CNTN4: variants seen among roughly 807,000 people sequenced by gnomAD.
The protein encoded by CNTN4 is contactin-4.
In CNTN4, 77 loss-of-function variants were observed where a neutral mutation model predicts 122.5. That is an observed-to-expected ratio of 0.63 (90% confidence interval 0.52 to 0.76). The LOEUF is 0.76. Among genes scored for constraint, CNTN4 ranks in the 30% least tolerant of loss-of-function variants. The pLI is 0.00. For synonymous variants in CNTN4, 512 were observed against 447.0 expected, an observed-to-expected ratio of 1.15 and a Z score of -1.83; for missense variants, 1,256 against 1,259.1, an observed-to-expected ratio of 1.00 and a Z score of 0.04.
intron 3 of CNTN4, among the ~76,000 whole-genome samples, chr3:2,556,130 T>C (rs2078711369): frequency 6.6e-6 from 1 of 152,232 alleles, no homozygotes; most frequent in African/African-American, 2.4e-5. Flanking sequence ...TTAGACTTTT[T>C]TTAAAAACTT....
At chr3:3,039,892 C>G (rs1009286571) in intron 19 of CNTN4, 145 bp from the exon 20 acceptor site, 5 of 704,892 alleles carry the variant, frequency 7.1e-6, no homozygotes, top group Admixed American at 6.1e-5. Context: ...ACTGCAAGCC[C>G]TAAATTTAAA....
At chr3:2,381,011 C>T (rs1262804711) in intron 3 of CNTN4, among the ~76,000 whole-genome samples, 1 of 151,108 alleles carries the variant, frequency 6.6e-6, no homozygotes, top group Non-Finnish European at 1.5e-5. Flanking sequence ...TTTTTTTCTT[C>T]CTTTTTTTTT....
chr3:2,294,858 T>A (rs2042252126), intron 2 of CNTN4, among the ~76,000 whole-genome samples: 1 of 151,858 alleles, frequency 6.6e-6, no homozygotes, highest in South Asian at 2.1e-4. Flanking sequence ...CCCCGGTGTG[T>A]GATGTTCCCC....
rs577821696 is a variant in CNTN4 at position 2,513,187 on chromosome 3, C to T, written c.-88-58229C>T. On this transcript the variant is annotated intron_variant, in intron 3 of 24. Transcript: ENST00000418658. ...GGCCTGCTAATGAAATCTGAAGTAA[C>T]GGCAAGTGGTTTTGATGGCTATATG... Among the ~76,000 whole-genome samples the T allele has an allele frequency of 7.9e-5, 12 of 152,260 alleles. 1 individual carries two copies. Among genetic ancestry groups the T allele is most frequent in the Non-Finnish European group, 1.5e-4 (10 of 68,008 alleles).
intron 4 of CNTN4, among the ~76,000 whole-genome samples, chr3:2,604,481 T>C (rs944297074): frequency 6.6e-6 from 1 of 152,110 alleles, no homozygotes; most frequent in African/African-American, 2.4e-5. Context: ...ATCAGCAAAA[T>C]AGATACATAT....
intron 4 of CNTN4, among the ~76,000 whole-genome samples, chr3:2,601,326 T>G (rs1176199521): frequency 1.3e-5 from 2 of 152,230 alleles, no homozygotes; most frequent in African/African-American, 4.8e-5. Flanking sequence ...AGCATTTTTA[T>G]GGTTTTAGGC....
chr3:2,936,168 T>G (rs977017640), intron 13 of CNTN4, among the ~76,000 whole-genome samples: 1 of 152,150 alleles, frequency 6.6e-6, no homozygotes, highest in South Asian at 2.1e-4. Flanking sequence ...GAGTTCAGTG[T>G]TTGTACTCAG....
intron 3 of CNTN4, among the ~76,000 whole-genome samples, chr3:2,517,559 G>T (rs981644266): frequency 6.6e-6 from 1 of 152,126 alleles, no homozygotes; most frequent in African/African-American, 2.4e-5. Flanking sequence ...AATACTGAAT[G>T]ACTTCTTGAA....
intron 3 of CNTN4, among the ~76,000 whole-genome samples, chr3:2,438,594 C>G (rs915620855): frequency 2.6e-5 from 4 of 152,096 alleles, no homozygotes; most frequent in Admixed American, 6.6e-5. Context: ...TGTAGCAGGC[C>G]CAAACAATGT....
intron 14 of CNTN4, among the ~76,000 whole-genome samples, chr3:2,992,967 C>T (rs1455941961): frequency 6.6e-6 from 1 of 152,098 alleles, no homozygotes; most frequent in African/African-American, 2.4e-5. Context: ...CTGGAAAAAC[C>T]TACATTTAAA....
chr3:2,383,720 T>C (rs1429123929), intron 3 of CNTN4, among the ~76,000 whole-genome samples: 3 of 148,810 alleles, frequency 2.0e-5, no homozygotes, highest in Non-Finnish European at 4.5e-5. Context: ...CCTCTCCTTC[T>C]TCTGTCTCTC....
At chr3:2,952,707 A>G (rs952082959) in intron 13 of CNTN4, among the ~76,000 whole-genome samples, 1 of 152,168 alleles carries the variant, frequency 6.6e-6, no homozygotes, top group Non-Finnish European at 1.5e-5. Flanking sequence ...ACAAATATTT[A>G]TTACTTAATT....
intron 4 of CNTN4, among the ~76,000 whole-genome samples, chr3:2,604,798 A>G (rs114959564): frequency 0.013 from 2,032 of 152,286 alleles, 51 homozygotes; most frequent in African/African-American, 0.044. Context: ...AAACTTATTC[A>G]TCACCTCCAT....
At chr3:2,783,576 C>G (rs534522904) in intron 6 of CNTN4, among the ~76,000 whole-genome samples, 95 of 152,320 alleles carry the variant, frequency 6.2e-4, no homozygotes, top group Middle Eastern at 3.4e-3. Context: ...CAGGCTTTTT[C>G]TCAGCAGGAT....
At chr3:2,409,539 G>A (rs2047159404) in intron 3 of CNTN4, among the ~76,000 whole-genome samples, 1 of 152,054 alleles carries the variant, frequency 6.6e-6, no homozygotes, top group Admixed American at 6.6e-5. Context: ...GAGCCACTGT[G>A]CTCGGCCTCT....
In CNTN4 at chr3:3,037,238, G is replaced by A; in HGVS notation, c.2002G>A (p.Val668Ile). ...GACCGTGGTGGGTTTGAACCCTTGG[G>A]TTGAATATGAATTCCGCACAGTTGC... Reference protein sequence around the residue: ...TATVVGLNPWVEYEFRTVAAN... With the variant: ...TATVVGLNPWIEYEFRTVAAN... Residue 668 changes from valine to isoleucine, a missense_variant, in exon 18 of 25, where the codon GTT becomes ATT. Transcript: ENST00000418658. The A allele has an allele frequency of 6.2e-7, 1 of 1,614,176 alleles. No homozygotes were observed. Among genetic ancestry groups the A allele is most frequent in the Non-Finnish European group, 8.5e-7 (1 of 1,180,030 alleles).
chr3:2,486,068 T>C (rs1057365379), intron 3 of CNTN4, among the ~76,000 whole-genome samples: 2 of 152,144 alleles, frequency 1.3e-5, no homozygotes, highest in Non-Finnish European at 2.9e-5. Flanking sequence ...CTCGAAGGTC[T>C]GCAGCTTCTC....
intron 6 of CNTN4, among the ~76,000 whole-genome samples, chr3:2,747,106 T>G (rs2320831): frequency 7.1e-6 from 1 of 140,282 alleles, no homozygotes; most frequent in Non-Finnish European, 1.6e-5. Flanking sequence ...AAAAAAAAAA[T>G]GGAGATGGAA....
intron 4 of CNTN4, among the ~76,000 whole-genome samples, chr3:2,706,141 T>C (rs1400652252): frequency 6.6e-6 from 1 of 150,962 alleles, no homozygotes; most frequent in African/African-American, 2.4e-5. Flanking sequence ...AATAGCCAAA[T>C]GACTACAGAA....
Sources: gnomAD v4.1 joint callset for allele counts (sites outside exome capture counted in the v4.1 genomes callset) on GRCh38, gnomAD v4.1.1 for gene constraint, MANE v1.5 for transcripts, NCBI Gene and HGNC (gene_info 2026-07-23, HGNC 2026-07-21) for gene names.